The following C10orf88 variants were observed in gnomAD, a reference collection of about 807,000 sequenced individuals.
The protein encoded by C10orf88 is ATPase PAAT.
C10orf88 carries 29 observed loss-of-function variants against 34.2 expected under a neutral mutation model. The observed-to-expected ratio is 0.85, with a 90% CI of 0.63 to 1.16. The LOEUF is 1.16. Ranked by LOEUF, C10orf88 falls within the 50% of genes most tolerant of loss-of-function variation. C10orf88 has a pLI of 0.00. For synonymous variants in C10orf88, 194 were observed against 197.4 expected, an observed-to-expected ratio of 0.98 and a Z score of 0.15; for missense variants, 507 against 533.2, an observed-to-expected ratio of 0.95 and a Z score of 0.48.
intron 1 of C10orf88, among the ~76,000 whole-genome samples, chr10:122,953,465 T>C (rs904590041): frequency 2.0e-5 from 3 of 152,298 alleles, no homozygotes; most frequent in Admixed American, 6.5e-5. Flanking sequence ...ACAGAATTCA[T>C]ACGGAAATGA....
At chr10:122,952,540 C>T (rs1485541065) in intron 2 of C10orf88, among the ~76,000 whole-genome samples, 1 of 152,218 alleles carries the variant, frequency 6.6e-6, no homozygotes, top group African/African-American at 2.4e-5. Flanking sequence ...AAGAGACACA[C>T]TTCTCAAAAT....
intron 5 of C10orf88, among the ~76,000 whole-genome samples, chr10:122,933,628 T>C (rs1848506445): frequency 6.6e-6 from 1 of 152,240 alleles, no homozygotes; most frequent in African/African-American, 2.4e-5. Context: ...ATCTATGTTA[T>C]TGCCCTGATG....
intron 4 of C10orf88, among the ~76,000 whole-genome samples, chr10:122,940,359 G>C (rs1470040928): frequency 6.6e-6 from 1 of 151,952 alleles, no homozygotes; most frequent in East Asian, 1.9e-4. Flanking sequence ...ATCTAAAATA[G>C]TTAAACTCAG....
intron 4 of C10orf88, among the ~76,000 whole-genome samples, chr10:122,942,644 T>A (rs1424176297): frequency 6.7e-6 from 1 of 148,666 alleles, no homozygotes; most frequent in East Asian, 2.0e-4. Context: ...CAGCCCAAAA[T>A]CTCCTTAAGC....
chr10:122,938,272 C>G, intron 4 of C10orf88, 113 bp from the exon 5 acceptor site: 6 of 914,288 alleles, frequency 6.6e-6, no homozygotes, highest in Non-Finnish European at 9.8e-6. Flanking sequence ...TCAAAACATC[C>G]TTATAAAGTA....
Position 122,937,990 on chromosome 10 carries a change from TGTAA to T in C10orf88, c.814_817del (p.Leu272LysfsTer48). The T allele has an allele frequency of 6.2e-7, 1 of 1,613,372 alleles. No individual in the cohort carries two copies. Among genetic ancestry groups the T allele is most frequent in the Non-Finnish European group, 8.5e-7 (1 of 1,179,496 alleles). ...TTGTGTACTTTTATCAATGTAAGTT[TGTAA>T]GTTTTCAGTCACGTTCCCAGATGTC... On this transcript the variant is annotated frameshift_variant, in exon 5 of 6. Coordinates refer to ENST00000481909, the MANE Select transcript of C10orf88 (RefSeq NM_024942.4). LOFTEE classifies it high-confidence loss of function.
Position 122,932,507 on chromosome 10 carries a change from G to A in C10orf88, c.1258C>T (p.Gln420Ter), listed in dbSNP as rs367747354. ...DKIALLLDLL[Q>*]NPNSPPTGIP... ...CCAGTGGGCGGGGAGTTAGGATTTT[G>A]CAGCAAATCCAGTAACAAAGCAATC... The change falls in exon 6 of 6, where the codon CAA becomes TAA. Residue 420 changes from glutamine to a stop codon, truncating the protein, a stop_gained. Transcript: ENST00000481909. LOFTEE classifies it high-confidence loss of function. The A allele has an allele frequency of 5.8e-5, 94 of 1,613,994 alleles. No individual in the cohort carries two copies. The highest frequency in any genetic ancestry group is 9.3e-5 in the African/African-American group (7 of 75,026).
chr10:122,937,715 G>A lies in C10orf88; in HGVS notation c.1093C>T (p.Leu365Phe), dbSNP rs1848546167. ...ENITKHGERI[L>F]GVGMEEQSIC... is the part of the protein sequence containing the mutation. ...TAAAATAATACTTACCCAACACCAA[G>A]AATGCGTTCACCATGCTTGGTGATG... The change falls in exon 5 of 6, where the codon CTT (leucine) becomes TTT (phenylalanine). Residue 365 changes from leucine to phenylalanine, a missense_variant. By Grantham distance (22) the Leu-to-Phe change is conservative. Coordinates refer to ENST00000481909, the MANE Select transcript of C10orf88 (RefSeq NM_024942.4). 4 of 1,602,912 alleles carry A rather than the reference G, an allele frequency of 2.5e-6. No individual in the cohort carries two copies. In the Admixed American group the frequency reaches 6.9e-5, roughly 27 times the overall value.
intron 4 of C10orf88, among the ~76,000 whole-genome samples, chr10:122,947,045 A>G (rs1298831982): frequency 6.6e-6 from 1 of 152,128 alleles, no homozygotes; most frequent in African/African-American, 2.4e-5. Flanking sequence ...TTTGCACAGG[A>G]GAAGGATGAG....
chr10:122,937,978 T>C lies in C10orf88; in HGVS notation c.830A>G (p.Asp277Gly). Residue 277 changes from aspartate (D) to glycine (G), a missense_variant, in exon 5 of 6, where the codon GAT (aspartate) becomes GGT (glycine). By Grantham distance (94) the Asp-to-Gly change is moderately conservative. Transcript: ENST00000481909. Reference sequence around the variant, plus strand: ...TCCACCAGGCAGTTGTGTACTTTTATCAATGTAAGTTTGTAAGTTTTCAGT... The same window carrying C: ...TCCACCAGGCAGTTGTGTACTTTTACCAATGTAAGTTTGTAAGTTTTCAGT... The part of the protein sequence containing the change: ...NVTENLQTYI[D>G]KSTQLPGGEN... 1 of 1,613,474 alleles carries C rather than the reference T, an allele frequency of 6.2e-7. No homozygotes were observed. The highest frequency in any genetic ancestry group is 8.5e-7 in the Non-Finnish European group (1 of 1,179,588).
intron 4 of C10orf88, among the ~76,000 whole-genome samples, 180 bp from the exon 5 acceptor site, chr10:122,938,339 C>T (rs564790571): frequency 5.3e-5 from 8 of 152,092 alleles, no homozygotes; most frequent in African/African-American, 1.9e-4. Context: ...AGGTACCTAG[C>T]CAAGGTAACC....
chr10:122,954,060 G>C lies in C10orf88; in HGVS notation c.119C>G (p.Pro40Arg). ...CAGCTCCTCCCAGTCGAAGTCACCG[G>C]GGCCGAGACCGGCCCGGGTGAGGAG... ...SLLLTRAGLG[P>R]GDFDWEELLA... Residue 40 changes from proline to arginine, a missense_variant, in exon 1 of 6, where the codon CCC becomes CGC. By Grantham distance (103) the Pro-to-Arg change is moderately radical (BLOSUM62 -2). Coordinates refer to ENST00000481909, the MANE Select transcript of C10orf88 (RefSeq NM_024942.4). 6.5e-7 allele frequency: 1 copy of C among 1,547,122 alleles called. No homozygotes were observed. Among genetic ancestry groups the C allele is most frequent in the Non-Finnish European group, 8.7e-7 (1 of 1,149,504 alleles).
rs757233138 is a variant in C10orf88, at chr10:122,954,110, T to A, written c.69A>T (p.Ala23=). The change falls in exon 1 of 6, where the codon GCA becomes GCT. Residue 23 remains alanine (A), a synonymous_variant. Coordinates refer to ENST00000481909, the MANE Select transcript of C10orf88 (RefSeq NM_024942.4). ...RPTLASSWDV[A]GGALTHSLLL... ...GGAGGCTGTGGGTCAGGGCCCCGCC[T>A]GCAACATCCCAAGAAGAGGCCAGCG... 1.4e-5 allele frequency: 23 copies of A among 1,588,098 alleles called. No individual in the cohort carries two copies. Among genetic ancestry groups the A allele is most frequent in the Non-Finnish European group, 1.7e-6 (2 of 1,170,818 alleles).
At chr10:122,943,968 G>A (rs1163142555) in intron 4 of C10orf88, among the ~76,000 whole-genome samples, 3 of 151,800 alleles carry the variant, frequency 2.0e-5, no homozygotes, top group Admixed American at 1.3e-4. Context: ...TCAGTGTGGC[G>A]ATTCCTCAGG....
intron 4 of C10orf88, among the ~76,000 whole-genome samples, chr10:122,946,274 T>A (rs758349312): frequency 6.7e-4 from 102 of 152,268 alleles, no homozygotes; most frequent in Non-Finnish European, 1.3e-3. Flanking sequence ...TAACTTCTAG[T>A]CCTGCAAGTT....
In C10orf88 at chr10:122,954,137, G is replaced by C. The variant is rs748763744; in HGVS notation, c.42C>G (p.Pro14=). The C allele has an allele frequency of 1.9e-6, 3 of 1,585,348 alleles. No homozygotes were observed. The highest frequency in any genetic ancestry group is 4.8e-5 in the East Asian group (2 of 41,898). Residue 14 remains proline (P), a synonymous_variant, in exon 1 of 6, where the codon CCC becomes CCG. Transcript: ENST00000481909. ...RTEDGGLTRR[P]TLASSWDVAG... is the part of the protein sequence containing the mutation. ...CAACATCCCAAGAAGAGGCCAGCGT[G>C]GGGCGGCGGGTGAGGCCCCCGTCCT...
chr10:122,934,306 TCTC>T (rs1848513592), intron 5 of C10orf88, among the ~76,000 whole-genome samples: 1 of 152,166 alleles, frequency 6.6e-6, no homozygotes, highest in Non-Finnish European at 1.5e-5. Context: ...ACTGCAATGA[TCTC>T]CTCCCTGCTA....
chr10:122,938,213 T>C (rs1350010007), intron 4 of C10orf88, 54 bp from the exon 5 acceptor site: 3 of 1,407,860 alleles, frequency 2.1e-6, no homozygotes, highest in East Asian at 4.6e-5. Context: ...CAGCTAACTT[T>C]TGGAGTAATT....
At chr10:122,934,057 T>A (rs1233185897) in intron 5 of C10orf88, among the ~76,000 whole-genome samples, 2 of 152,118 alleles carry the variant, frequency 1.3e-5, no homozygotes, top group African/African-American at 4.8e-5. Context: ...CAAAGACAGT[T>A]TTTAAGAAAC....
Sources: allele counts gnomAD v4.1 joint callset (sites outside exome capture counted in the v4.1 genomes callset), GRCh38; gene constraint gnomAD v4.1.1; transcripts MANE v1.5; gene names NCBI Gene and HGNC (gene_info 2026-07-23, HGNC 2026-07-21).